NAALAD2: variants seen among roughly 807,000 people sequenced by gnomAD.
The protein encoded by NAALAD2 is N-acetylated-alpha-linked acidic dipeptidase 2.
Under a neutral mutation model 95.6 loss-of-function variants are expected in NAALAD2, and 89 were observed. That is an observed-to-expected ratio of 0.93 (90% CI 0.78 to 1.11). The LOEUF (loss-of-function observed/expected upper bound fraction) is 1.11, where lower values mean the gene tolerates loss of function less well. Among genes scored for constraint, NAALAD2 ranks in the 50% least tolerant of loss-of-function variants. The pLI is 0.00. For synonymous variants in NAALAD2, 264 were observed against 294.4 expected, an observed-to-expected ratio of 0.90 and a Z score of 1.06; for missense variants, 894 against 872.4, an observed-to-expected ratio of 1.02 and a Z score of -0.31.
intron 11 of NAALAD2, among the ~76,000 whole-genome samples, chr11:90,167,950 G>T (rs576122310): frequency 6.6e-6 from 1 of 152,188 alleles, no homozygotes; most frequent in Non-Finnish European, 1.5e-5. Context: ...GCAGGCTGCC[G>T]GAGCAGCAGT....
chr11:90,158,236 A>G lies in NAALAD2; in HGVS notation c.888A>G (p.Leu296=). Residue 296 remains leucine, a splice_region_variant and synonymous_variant, in exon 7 of 19, where the codon TTA becomes TTG. Coordinates refer to ENST00000534061, the MANE Select transcript of NAALAD2 (RefSeq NM_005467.4). ...GATATAATGATGCAGAAATATTATT[A>G]CGGTATAGTTTTCTTGTTGGATATG... ...PIGYNDAEIL[L]RYLGGIAPPD... The G allele has an allele frequency of 6.2e-7, 1 of 1,601,906 alleles. No homozygotes were observed. The highest frequency in any genetic ancestry group is 8.5e-7 in the Non-Finnish European group (1 of 1,169,956).
At chr11:90,166,878 G>A (rs980622325) in intron 11 of NAALAD2, among the ~76,000 whole-genome samples, 3 of 151,716 alleles carry the variant, frequency 2.0e-5, no homozygotes, top group African/African-American at 2.4e-5. Context: ...CACCCGGCAC[G>A]GTGGCTCATG....
chr11:90,137,029 A>C, intron 2 of NAALAD2, among the ~76,000 whole-genome samples: 1 of 152,196 alleles, frequency 6.6e-6, no homozygotes, highest in Non-Finnish European at 1.5e-5. Context: ...ACTCAGCATA[A>C]AAAAGAAAGA....
intron 13 of NAALAD2, among the ~76,000 whole-genome samples, chr11:90,172,536 G>A (rs1952673774): frequency 6.6e-6 from 1 of 152,146 alleles, no homozygotes; most frequent in South Asian, 2.1e-4. Context: ...TTTATTAGAT[G>A]CTCTTAAATT....
intron 3 of NAALAD2, among the ~76,000 whole-genome samples, chr11:90,148,409 A>G (rs1951802851): frequency 6.6e-6 from 1 of 152,130 alleles, no homozygotes; most frequent in African/African-American, 2.4e-5. Flanking sequence ...GTGGGTGGCT[A>G]ATGACTGAAG....
In NAALAD2 at chr11:90,152,466, C is replaced by G; in HGVS notation, c.778C>G (p.Pro260Ala). The change falls in exon 6 of 19, where the codon CCA becomes GCA. Residue 260 changes from proline (P) to alanine (A), a missense_variant. Physicochemically the swap from Pro to Ala is conservative, Grantham distance 27 (BLOSUM62 -1). Transcript: ENST00000534061. ...GAATGGTGCTGGTGACCCACTCACT[C>G]CAGGCTATCCAGCAAAAGGTAAGGG... ...NLNGAGDPLT[P>A]GYPAKEYTFR... 1 of 1,610,564 alleles carries G rather than the reference C, an allele frequency of 6.2e-7. No homozygotes were observed. Among genetic ancestry groups the G allele is most frequent in the Non-Finnish European group, 8.5e-7 (1 of 1,177,332 alleles).
At chr11:90,152,533 C>A (rs773397097) in intron 6 of NAALAD2, 49 bp downstream of exon 6, 1 of 1,434,360 alleles carries the variant, frequency 7.0e-7, no homozygotes, top group Non-Finnish European at 9.6e-7. Flanking sequence ...ATACTCCTTG[C>A]CCTTTTAGAA....
intron 2 of NAALAD2, among the ~76,000 whole-genome samples, chr11:90,137,454 A>G (rs1951478600): frequency 6.6e-6 from 1 of 152,248 alleles, no homozygotes; most frequent in South Asian, 2.1e-4. Context: ...GTATGCTTGT[A>G]TCAAGATATC....
intron 18 of NAALAD2, among the ~76,000 whole-genome samples, chr11:90,183,928 G>T (rs1283800253): frequency 2.0e-5 from 3 of 152,068 alleles, no homozygotes. Flanking sequence ...TTTCCTATCT[G>T]TATCTCTACA....
intron 6 of NAALAD2, 138 bp from the exon 7 acceptor site, chr11:90,158,007 C>T (rs1270438805): frequency 1.6e-6 from 1 of 641,320 alleles, no homozygotes; most frequent in South Asian, 1.9e-5. Flanking sequence ...GTGTGAGCCA[C>T]CACGCCTGGC....
At chr11:90,168,907 A>G in intron 11 of NAALAD2, 22 bp from the exon 12 acceptor site, 2 of 1,580,194 alleles carry the variant, frequency 1.3e-6, no homozygotes, top group Non-Finnish European at 1.7e-6. Context: ...TGAATTAAGT[A>G]ACAACTTTGC....
intron 17 of NAALAD2, 40 bp downstream of exon 17, chr11:90,181,741 A>G (rs768227303): frequency 1.6e-6 from 2 of 1,247,552 alleles, no homozygotes; most frequent in Non-Finnish European, 2.3e-6. Flanking sequence ...AAAAAAAAAA[A>G]AGCAATCTGG....
In NAALAD2 at chr11:90,155,801, CAT is replaced by C. The variant is rs1384866243; in HGVS notation, c.797-2338_797-2337del. Among the ~76,000 whole-genome samples, 49 of 127,814 alleles carry C rather than the reference CAT, an allele frequency of 3.8e-4. 2 individuals carry two copies. The South Asian group carries it at 0.011, about 30-fold the overall frequency. The allele number at this position is 127,814 out of a possible 152,430, so 83.9% of individuals were successfully genotyped here. ...TATGTATTATTACATACATATTACACATATATAATATATAATATATATGTAAT... is the reference window on the plus strand; with the variant it reads ...TATGTATTATTACATACATATTACACATATAATATATAATATATATGTAAT... On this transcript the variant is annotated intron_variant, in intron 6 of 18. Coordinates refer to ENST00000534061, the MANE Select transcript of NAALAD2 (RefSeq NM_005467.4).
chr11:90,176,929 C>T (rs976845007), intron 15 of NAALAD2, among the ~76,000 whole-genome samples: 2 of 152,130 alleles, frequency 1.3e-5, no homozygotes, highest in African/African-American at 4.8e-5. Flanking sequence ...TGTTTTAACT[C>T]TTTGTCAAGG....
In NAALAD2 at chr11:90,155,723, A is replaced by T. The variant is rs1163529295; in HGVS notation, c.797-2422A>T. 2.4e-4 allele frequency among the ~76,000 whole-genome samples: 12 copies of T among 49,314 alleles called. 1 individual carries two copies. Among genetic ancestry groups the T allele is most frequent in the African/African-American group, 1.2e-3 (11 of 9,188 alleles). The allele number at this position is 49,314 out of a possible 152,430, so 32.4% of individuals were successfully genotyped here. Reference sequence around the variant, plus strand: ...TATGTATTATTATTGTATGTATGTAATACATACATACATATGTATGTATTA... The same window carrying T: ...TATGTATTATTATTGTATGTATGTATTACATACATACATATGTATGTATTA... On this transcript the variant is annotated intron_variant, in intron 6 of 18. Coordinates refer to ENST00000534061, the MANE Select transcript of NAALAD2 (RefSeq NM_005467.4).
chr11:90,162,937 T>C lies in NAALAD2; in HGVS notation c.990-12T>C, dbSNP rs748003818. On this transcript the variant is annotated splice_polypyrimidine_tract_variant and intron_variant, in intron 8 of 18. Coordinates refer to ENST00000534061, the MANE Select transcript of NAALAD2 (RefSeq NM_005467.4). ...TGCTGTACTAAGTAATTTATTCCTT[T>C]TAAAATTCTAGGAAGGTTAGAATGC... 4.3e-6 allele frequency: 6 copies of C among 1,406,428 alleles called. No individual in the cohort carries two copies. In the African/African-American group the frequency reaches 7.2e-5, roughly 17 times the overall value. The allele number at this position is 1,406,428 out of a possible 1,614,324, so 87.1% of individuals were successfully genotyped here. A position where few individuals can be genotyped will look rare whatever the true frequency, so the allele number is the denominator to read the frequency against.
intron 17 of NAALAD2, among the ~76,000 whole-genome samples, chr11:90,181,916 AC>A (rs1269480819): frequency 6.6e-6 from 1 of 151,928 alleles, no homozygotes; most frequent in Non-Finnish European, 1.5e-5. Context: ...TTGCATTTTA[AC>A]TACCACCCCC....
At chr11:90,162,733 C>T (rs931381353) in intron 8 of NAALAD2, 2 of 309,848 alleles carry the variant, frequency 6.5e-6, no homozygotes, top group Non-Finnish European at 1.2e-5. Flanking sequence ...TGCTTAGGTG[C>T]TTAGAAGTAA....
At chr11:90,155,815 AAT>A (rs1230057638) in intron 6 of NAALAD2, among the ~76,000 whole-genome samples, 83 of 126,746 alleles carry the variant, frequency 6.5e-4, no homozygotes, top group African/African-American at 1.9e-3. Context: ...TATAATATAT[AAT>A]ATATATGTAA....
Sources: allele counts gnomAD v4.1 joint callset (sites outside exome capture counted in the v4.1 genomes callset), GRCh38; gene constraint gnomAD v4.1.1; transcripts MANE v1.5; gene names NCBI Gene and HGNC (gene_info 2026-07-23, HGNC 2026-07-21).